Variants in ANKRD55 observed in about 807,000 individuals in gnomAD.
The protein encoded by ANKRD55 is ankyrin repeat domain-containing protein 55.
A neutral mutation model predicts 60.6 loss-of-function variants in ANKRD55; 41 were observed. The observed-to-expected ratio is 0.68, with a 90% CI of 0.53 to 0.88. The LOEUF (loss-of-function observed/expected upper bound fraction) is 0.88, where lower values mean the gene tolerates loss of function less well. Among genes scored for constraint, ANKRD55 ranks in the 40% least tolerant of loss-of-function variants. The pLI is 0.00. For synonymous variants in ANKRD55, 264 were observed against 290.3 expected, an observed-to-expected ratio of 0.91 and a Z score of 0.92; for missense variants, 732 against 767.6, an observed-to-expected ratio of 0.95 and a Z score of 0.55.
In ANKRD55 at chr5:56,166,107, T is replaced by TTTCTTTCTTTCTTTC. The variant is rs1561277643; in HGVS notation, c.422+4572_422+4586dup. ...TTCTTTTTCTTTCTTTCTTTCTTTC[T>TTTCTTTCTTTCTTTC]TTCTTTCTTTCTTTCTTTCTTTCTT... On this transcript the variant is annotated intron_variant, in intron 5 of 11. Transcript: ENST00000341048. Among the ~76,000 whole-genome samples, 129 of 61,408 alleles carry TTTCTTTCTTTCTTTC rather than the reference T, an allele frequency of 2.1e-3. 2 individuals are homozygous for TTTCTTTCTTTCTTTC. The highest frequency in any genetic ancestry group is 6.2e-3 in the Middle Eastern group (1 of 162). The allele number at this position is 61,408 out of a possible 152,430, so 40.3% of individuals were successfully genotyped here. A position where few individuals can be genotyped will look rare whatever the true frequency, so the allele number is the denominator to read the frequency against.
chr5:56,217,869 C>T (rs750722024), intron 2 of ANKRD55, among the ~76,000 whole-genome samples: 1 of 149,892 alleles, frequency 6.7e-6, no homozygotes, highest in African/African-American at 2.5e-5. Context: ...GCACTCCAGC[C>T]TGGGTGACAG....
chr5:56,198,577 G>A (rs190185157), intron 2 of ANKRD55, among the ~76,000 whole-genome samples: 4 of 151,948 alleles, frequency 2.6e-5, no homozygotes, highest in East Asian at 1.9e-4. Flanking sequence ...GAGCCACCGC[G>A]CCTAGCCACA....
chr5:56,205,729 C>T (rs1253579723), intron 2 of ANKRD55, among the ~76,000 whole-genome samples: 3 of 152,102 alleles, frequency 2.0e-5, no homozygotes, highest in Non-Finnish European at 4.4e-5. Flanking sequence ...CTACTGTGCC[C>T]ACTTATAAAA....
At chr5:56,141,131 T>TTG (rs1554039015) in intron 7 of ANKRD55, among the ~76,000 whole-genome samples, 1 of 13,166 alleles carries the variant, frequency 7.6e-5, no homozygotes, top group African/African-American at 1.1e-3. Flanking sequence ...GCACACACAG[T>TTG]TTTTTTTTTT....
At chr5:56,209,583 C>T (rs773017112) in intron 2 of ANKRD55, among the ~76,000 whole-genome samples, 11 of 151,884 alleles carry the variant, frequency 7.2e-5, no homozygotes, top group Admixed American at 1.3e-4. Context: ...TCTCCTGCCT[C>T]AGCCTTCCGA....
Position 56,111,132 on chromosome 5 carries a change from T to C in ANKRD55, c.1616A>G (p.His539Arg), listed in dbSNP as rs766904611. 2.5e-6 allele frequency: 4 copies of C among 1,613,598 alleles called. No individual in the cohort carries two copies. Among genetic ancestry groups the C allele is most frequent in the Admixed American group, 3.3e-5 (2 of 59,992 alleles). The change falls in exon 10 of 12, where the codon CAT becomes CGT. Residue 539 changes from histidine to arginine, a missense_variant. Physicochemically the swap from His to Arg is conservative, Grantham distance 29. Around this residue, in one of 3 missense-constraint regions of ANKRD55, gnomAD observed 597 missense variants for 607.5 expected, o/e 0.98. Transcript: ENST00000341048. ...AAGGACATTACCTGATGATGGATTA[T>C]GTAGATGGCGAAGGTGTGGTGGCAC... ...VSVPPHLRHL[H>R]NPSSGQNFQH... is the part of the protein sequence containing the mutation.
At chr5:56,118,050 T>C (rs572997153) in intron 8 of ANKRD55, among the ~76,000 whole-genome samples, 19 of 151,696 alleles carry the variant, frequency 1.3e-4, no homozygotes, top group Middle Eastern at 3.4e-3. Flanking sequence ...GGCTGAGGCA[T>C]GAGAATTGCT....
intron 8 of ANKRD55, among the ~76,000 whole-genome samples, chr5:56,125,182 G>T (rs567970434): frequency 6.6e-6 from 1 of 152,194 alleles, no homozygotes; most frequent in African/African-American, 2.4e-5. Context: ...TTAAAAAATG[G>T]TTAATTCACT....
chr5:56,214,353 C>G (rs1241754922), intron 2 of ANKRD55, among the ~76,000 whole-genome samples: 2 of 152,230 alleles, frequency 1.3e-5, no homozygotes, highest in African/African-American at 2.4e-5. Flanking sequence ...ATAATAATCA[C>G]TAGCACTTAC....
chr5:56,217,917 A>G (rs1156235757), intron 2 of ANKRD55, among the ~76,000 whole-genome samples: 3 of 151,788 alleles, frequency 2.0e-5, no homozygotes, highest in Non-Finnish European at 4.4e-5. Flanking sequence ...AAAAAAATTC[A>G]TGATTCGGGT....
In ANKRD55 at chr5:56,109,079, A is replaced by C. The variant is rs866735872; in HGVS notation, c.1630+2039T>G. Among the ~76,000 whole-genome samples, 639 of 140,328 alleles carry C rather than the reference A, an allele frequency of 4.6e-3. 1 individual carries two copies. Among genetic ancestry groups the C allele is most frequent in the African/African-American group, 0.015 (586 of 38,034 alleles). The allele number at this position is 140,328 out of a possible 152,430, so 92.1% of individuals were successfully genotyped here. A position where few individuals can be genotyped will look rare whatever the true frequency, so the allele number is the denominator to read the frequency against. ...CACACACACACACACACACACACAC[A>C]CCCCACCGCCCAACAAAAACCCCCA... is the stretch of plus-strand genomic sequence containing the variant. On this transcript the variant is annotated intron_variant, in intron 10 of 11. Coordinates refer to ENST00000341048, the MANE Select transcript of ANKRD55 (RefSeq NM_024669.3).
intron 4 of ANKRD55, among the ~76,000 whole-genome samples, chr5:56,173,286 C>T (rs138555886): frequency 0.01 from 1,530 of 152,246 alleles, 27 homozygotes; most frequent in African/African-American, 0.035. Context: ...CAGCCTCCAC[C>T]TCCTGGGTTC....
intron 4 of ANKRD55, among the ~76,000 whole-genome samples, chr5:56,173,545 T>C (rs1271598442): frequency 1.8e-4 from 5 of 27,464 alleles, no homozygotes; most frequent in African/African-American, 2.5e-4. Context: ...GATTCGCCTC[T>C]CTCTCTCTCT....
chr5:56,191,200 AT>A (rs1759086007), intron 2 of ANKRD55, among the ~76,000 whole-genome samples: 1 of 152,192 alleles, frequency 6.6e-6, no homozygotes, highest in South Asian at 2.1e-4. Context: ...GTCTCCTGAA[AT>A]TCAATATGTA....
At chr5:56,122,299 T>C (rs937698037) in intron 8 of ANKRD55, among the ~76,000 whole-genome samples, 8 of 152,160 alleles carry the variant, frequency 5.3e-5, no homozygotes, top group African/African-American at 1.9e-4. Flanking sequence ...CAGGTCATCC[T>C]GGAAAATACT....
rs558806508 is a variant in ANKRD55, at chr5:56,182,957, T to C, written c.181+555A>G. Among the ~76,000 whole-genome samples the C allele has an allele frequency of 4.1e-4, 62 of 152,338 alleles. No individual in the cohort carries two copies. The South Asian group carries it at 5.6e-3, about 14-fold the overall frequency. ...AAGGCTTTTGTTGTTTTTCTTGCTG[T>C]TTGGTCTGTGCCTGTTGACATTTCT... On this transcript the variant is annotated intron_variant, in intron 3 of 11. Coordinates refer to ENST00000341048, the MANE Select transcript of ANKRD55 (RefSeq NM_024669.3).
intron 2 of ANKRD55, among the ~76,000 whole-genome samples, chr5:56,206,748 C>A (rs1025478471): frequency 6.6e-6 from 1 of 152,248 alleles, no homozygotes; most frequent in South Asian, 2.1e-4. Flanking sequence ...CCAAAGGCCA[C>A]AAGAAGGACA....
rs1756233205 is a variant in ANKRD55 at position 56,100,317 on chromosome 5, A to C, written c.1724-13T>G. The C allele has an allele frequency of 6.2e-7, 1 of 1,614,104 alleles. No individual in the cohort carries two copies. The highest frequency in any genetic ancestry group is 1.7e-5 in the Admixed American group (1 of 60,020). The stretch of plus-strand genomic sequence containing the variant: ...TCTCCAGATAGAACTGGGAAGAAAG[A>C]ATAGAACAAGAGACTTTCAAGATTT... On this transcript the variant is annotated splice_polypyrimidine_tract_variant and intron_variant, in intron 11 of 11. Coordinates refer to ENST00000341048, the MANE Select transcript of ANKRD55 (RefSeq NM_024669.3).
At chr5:56,159,074 C>T (rs1758261316) in intron 6 of ANKRD55, among the ~76,000 whole-genome samples, 1 of 152,106 alleles carries the variant, frequency 6.6e-6, no homozygotes, top group Non-Finnish European at 1.5e-5. Flanking sequence ...TCTCAAACTT[C>T]TGGGCTCAAG....
Sources: gnomAD v4.1 joint callset for allele counts (sites outside exome capture counted in the v4.1 genomes callset) on GRCh38, gnomAD v4.1.1 for gene constraint, gnomAD v4.1.1 regional missense constraint, MANE v1.5 for transcripts, NCBI Gene and HGNC (gene_info 2026-07-23, HGNC 2026-07-21) for gene names.